MEF2A: variants seen among roughly 807,000 people sequenced by gnomAD.
The protein encoded by MEF2A is myocyte-specific enhancer factor 2A.
In MEF2A, 28 loss-of-function variants were observed where a neutral mutation model predicts 55.8. The observed-to-expected ratio is 0.50, with a 90% CI of 0.37 to 0.69. MEF2A has a LOEUF of 0.69. Among genes scored for constraint, MEF2A ranks in the 30% least tolerant of loss-of-function variants. The probability of loss-of-function intolerance (pLI) is 0.00; values close to 1 mark genes in which losing one functional copy is unlikely to be tolerated. For missense variants in MEF2A, 528 were observed against 626.2 expected (o/e 0.84, Z 1.67); for synonymous variants, 239 against 227.1 (o/e 1.05, Z -0.47).
intron 4 of MEF2A, among the ~76,000 whole-genome samples, chr15:99,648,518 T>C (rs1000734948): frequency 2.6e-5 from 4 of 152,100 alleles, no homozygotes; most frequent in Non-Finnish European, 5.9e-5. Flanking sequence ...GTGATCTACT[T>C]TAGAGTGATT....
chr15:99,641,519 C>G (rs547124025), intron 3 of MEF2A, among the ~76,000 whole-genome samples: 2 of 152,078 alleles, frequency 1.3e-5, no homozygotes, highest in Non-Finnish European at 2.9e-5. Context: ...GTCAGGAGAT[C>G]GAGACCATCC....
chr15:99,633,878 A>G (rs1006270650), intron 3 of MEF2A, among the ~76,000 whole-genome samples: 1 of 152,218 alleles, frequency 6.6e-6, no homozygotes, highest in Non-Finnish European at 1.5e-5. Context: ...TCATTCATTT[A>G]CATATTGTCT....
At chr15:99,571,548 A>G (rs1291529785) in intron 1 of MEF2A, among the ~76,000 whole-genome samples, 2 of 152,252 alleles carry the variant, frequency 1.3e-5, no homozygotes, top group African/African-American at 4.8e-5. Context: ...TCTATGCCCT[A>G]GTCAAAGCCA....
rs2048802239 is a variant in MEF2A at position 99,662,376 on chromosome 15, A to G, written c.259-8947A>G. Among the ~76,000 whole-genome samples the G allele has an allele frequency of 2.0e-5, 3 of 152,352 alleles. No individual in the cohort carries two copies. In the South Asian group the frequency reaches 6.2e-4, roughly 32 times the overall value. On this transcript the variant is annotated intron_variant, in intron 4 of 11. Transcript: ENST00000557942. ...AATAGTATATGTTTCAAAATTGGAA[A>G]TAATTATTTACAATGAGGAAAGACA... is the stretch of plus-strand genomic sequence containing the variant.
intron 7 of MEF2A, among the ~76,000 whole-genome samples, chr15:99,678,009 T>G (rs1287794353): frequency 1.3e-5 from 2 of 152,186 alleles, no homozygotes; most frequent in Non-Finnish European, 2.9e-5. Context: ...GATGTTTCAG[T>G]GGTCATAAAA....
At chr15:99,602,249 A>T (rs896532237) in intron 2 of MEF2A, among the ~76,000 whole-genome samples, 2 of 152,066 alleles carry the variant, frequency 1.3e-5, no homozygotes, top group Admixed American at 6.5e-5. Flanking sequence ...AGGGTTTTAT[A>T]TGTTGGCATA....
At chr15:99,591,134 G>C (rs918423543) in intron 1 of MEF2A, among the ~76,000 whole-genome samples, 1 of 152,078 alleles carries the variant, frequency 6.6e-6, no homozygotes, top group African/African-American at 2.4e-5. Context: ...GTTCACATTA[G>C]GGCTCACTCT....
chr15:99,707,664 C>G (rs1047336344), intron 10 of MEF2A, among the ~76,000 whole-genome samples: 4 of 152,104 alleles, frequency 2.6e-5, no homozygotes, highest in African/African-American at 9.7e-5. Context: ...AGCCAAACAC[C>G]TGATGCTTCA....
intron 2 of MEF2A, among the ~76,000 whole-genome samples, chr15:99,628,540 C>A (rs901919681): frequency 1.9e-4 from 29 of 151,922 alleles, no homozygotes; most frequent in African/African-American, 7.0e-4. Flanking sequence ...CATTTTTCCC[C>A]CTCTTAGCTG....
chr15:99,586,539 C>T (rs1967332226), intron 1 of MEF2A, among the ~76,000 whole-genome samples: 1 of 152,146 alleles, frequency 6.6e-6, no homozygotes, highest in African/African-American at 2.4e-5. Flanking sequence ...TCTTATTACT[C>T]AGCTGTAAGA....
At chr15:99,673,899 A>G (rs1011540650) in intron 5 of MEF2A, among the ~76,000 whole-genome samples, 3 of 151,974 alleles carry the variant, frequency 2.0e-5, no homozygotes, top group African/African-American at 7.2e-5. Flanking sequence ...AAGTTAGTCA[A>G]TTAAATCAGA....
intron 1 of MEF2A, among the ~76,000 whole-genome samples, chr15:99,594,428 C>T (rs1181962741): frequency 1.3e-5 from 2 of 150,106 alleles, no homozygotes; most frequent in Non-Finnish European, 3.0e-5. Flanking sequence ...GTTCAGCAAT[C>T]TGGAAGCACT....
intron 7 of MEF2A, among the ~76,000 whole-genome samples, chr15:99,684,674 T>C (rs1019540847): frequency 2.6e-5 from 4 of 152,240 alleles, no homozygotes; most frequent in African/African-American, 7.2e-5. Flanking sequence ...ATTATTTCTT[T>C]TGCTGTGCAG....
chr15:99,587,943 A>G (rs1220766229), intron 1 of MEF2A, among the ~76,000 whole-genome samples: 1 of 142,852 alleles, frequency 7.0e-6, no homozygotes, highest in African/African-American at 2.4e-5. Context: ...TCCACTGCTT[A>G]GGACCTTCAG....
At chr15:99,623,005 GT>G (rs2041486768) in intron 2 of MEF2A, among the ~76,000 whole-genome samples, 1 of 152,002 alleles carries the variant, frequency 6.6e-6, no homozygotes, top group Admixed American at 6.6e-5. Context: ...CGGCCCGGAT[GT>G]TTTCATCTTC....
At chr15:99,602,547 G>T (rs1440110890) in intron 2 of MEF2A, among the ~76,000 whole-genome samples, 1 of 152,058 alleles carries the variant, frequency 6.6e-6, no homozygotes, top group Non-Finnish European at 1.5e-5. Context: ...TTTTCTATCT[G>T]TTGGGAGACT....
At chr15:99,634,382 T>C (rs962846215) in intron 3 of MEF2A, among the ~76,000 whole-genome samples, 3 of 152,162 alleles carry the variant, frequency 2.0e-5, no homozygotes, top group Non-Finnish European at 4.4e-5. Context: ...TGGTAAACTA[T>C]CCATGCTATT....
At chr15:99,624,586 G>A (rs1203077100) in intron 2 of MEF2A, among the ~76,000 whole-genome samples, 1 of 152,118 alleles carries the variant, frequency 6.6e-6, no homozygotes, top group Non-Finnish European at 1.5e-5. Context: ...TAGCATTATA[G>A]TAAATTTTGA....
intron 8 of MEF2A, among the ~76,000 whole-genome samples, chr15:99,691,100 GTTTT>G (rs3979130): frequency 1.6e-5 from 2 of 122,912 alleles, no homozygotes; most frequent in Non-Finnish European, 1.7e-5. Flanking sequence ...TTCGAATCAG[GTTTT>G]TTTTTTTTTT....
Sources: gnomAD v4.1 joint callset for allele counts (sites outside exome capture counted in the v4.1 genomes callset) on GRCh38, gnomAD v4.1.1 for gene constraint, MANE v1.5 for transcripts, NCBI Gene and HGNC (gene_info 2026-07-23, HGNC 2026-07-21) for gene names.